SIGIRR: variants seen among roughly 807,000 people sequenced by gnomAD.
SIGIRR encodes single Ig and TIR domain containing.
A neutral mutation model predicts 45.6 loss-of-function variants in SIGIRR; 41 were observed. The observed-to-expected ratio is 0.90, with a 90% CI of 0.70 to 1.17. SIGIRR has a LOEUF of 1.17. Among genes scored for constraint, SIGIRR ranks in the 50% most tolerant of loss-of-function variants. SIGIRR has a pLI of 0.00. For missense variants in SIGIRR, 599 were observed against 539.6 expected, an observed-to-expected ratio of 1.11 and a Z score of -1.09; for synonymous variants, 298 against 239.0, an observed-to-expected ratio of 1.25 and a Z score of -2.28.
At position 407,929 on chromosome 11, in the gene SIGIRR, C is replaced by T; in HGVS notation, c.369G>A (p.Leu123=). 4 of 1,610,968 alleles carry T rather than the reference C, an allele frequency of 2.5e-6. No homozygotes were observed. The highest frequency in any genetic ancestry group is 3.4e-6 in the Non-Finnish European group (4 of 1,178,962). ...AGPTSHVAAV[L]ASLLVLLALL... is the part of the protein sequence containing the mutation. ...GGGCCAGCAGGACCAGGAGGGAGGC[C>T]AGCACCGCAGCCACGTGGCTTGTAG... Residue 123 remains leucine, a synonymous_variant, in exon 5 of 10, where the codon CTG becomes CTA. Coordinates refer to ENST00000431843, the MANE Select transcript of SIGIRR (RefSeq NM_001135054.2).
intron 6 of SIGIRR, 103 bp downstream of exon 6, chr11:407,322 G>A: frequency 2.1e-6 from 2 of 941,018 alleles, no homozygotes; most frequent in Non-Finnish European, 3.0e-6. Flanking sequence ...GGGGATGGGG[G>A]CGGAGCTCGA....
chr11:412,923 C>G (rs937603581), intron 1 of SIGIRR, among the ~76,000 whole-genome samples: 9 of 152,170 alleles, frequency 5.9e-5, no homozygotes, highest in African/African-American at 1.9e-4. Flanking sequence ...CCCGTAGCAG[C>G]AGCCACACAC....
rs1321727081 is a variant in SIGIRR at position 406,430 on chromosome 11, G to A, written c.988C>T (p.Pro330Ser). Residue 330 changes from proline to serine, a missense_variant, in exon 9 of 10, where the codon CCC becomes TCC. Pro to Ser is a moderately conservative substitution (Grantham distance 74, BLOSUM62 -1). Coordinates refer to ENST00000431843, the MANE Select transcript of SIGIRR (RefSeq NM_001135054.2). ...ACTCGGCCTCGAAGAATCAGCATGG[G>A]GTCCTTGTCGTCCTGCAGCTGCGTC... is the stretch of plus-strand genomic sequence containing the variant. ...PQTQLQDDKD[P>S]MLILRGRVPE... 1.2e-6 allele frequency: 2 copies of A among 1,612,628 alleles called. No individual in the cohort carries two copies. The highest frequency in any genetic ancestry group is 8.5e-7 in the Non-Finnish European group (1 of 1,179,916).
chr11:411,029 A>G (rs1443639045), intron 1 of SIGIRR, among the ~76,000 whole-genome samples: 3 of 2,124 alleles, frequency 1.4e-3, no homozygotes, highest in Non-Finnish European at 2.1e-3. Context: ...GCAGTCGGGG[A>G]GGGGGGTGCC....
intron 6 of SIGIRR, 64 bp from the exon 7 acceptor site, chr11:407,228 A>C: frequency 1.2e-5 from 5 of 419,384 alleles, no homozygotes; most frequent in Non-Finnish European, 1.8e-5. Flanking sequence ...CCGGAGGCTC[A>C]GGGGCGGTGC....
At chr11:409,093 C>T (rs1847479440) in intron 2 of SIGIRR, 200 bp from the exon 3 acceptor site, 1 of 612,528 alleles carries the variant, frequency 1.6e-6, no homozygotes, top group South Asian at 1.9e-5. Context: ...GTGTTCCGCC[C>T]ACCCTGTGCT....
Position 414,808 on chromosome 11 carries a change from G to A in SIGIRR, c.-154+15C>T, listed in dbSNP as rs148725048. On this transcript the variant is annotated intron_variant, in intron 1 of 9. Transcript: ENST00000431843. Reference sequence around the variant, plus strand: ...CTGACACAGGCTCACTCAGAGCAGCGGGGAAGGCAGTCACCTGGTTCCAGT... The same window carrying A: ...CTGACACAGGCTCACTCAGAGCAGCAGGGAAGGCAGTCACCTGGTTCCAGT... The A allele has an allele frequency of 2.4e-3, 2,334 of 985,498 alleles. 3 individuals carry two copies. The highest frequency in any genetic ancestry group is 2.7e-3 in the Non-Finnish European group (2,228 of 829,992). The allele number at this position is 985,498 out of a possible 1,614,324, so 61.0% of individuals were successfully genotyped here.
Position 406,930 on chromosome 11 carries a change from C to G in SIGIRR, c.792G>C (p.Gln264His). 1 of 1,600,008 alleles carries G rather than the reference C, an allele frequency of 6.2e-7. No homozygotes were observed. The highest frequency in any genetic ancestry group is 1.1e-5 in the South Asian group (1 of 90,122). ...RRPIFITFEGQRRDPAHPALR... is the reference protein window; with the variant it reads ...RRPIFITFEGHRRDPAHPALR... ...GCGCCGGGTGCGCGGGGTCGCGCCT[C>G]TGGCCCTCGAAGGTGATGAAGATGG... Residue 264 changes from glutamine to histidine, a missense_variant, in exon 8 of 10, where the codon CAG becomes CAC. Coordinates refer to ENST00000431843, the MANE Select transcript of SIGIRR (RefSeq NM_001135054.2).
intron 2 of SIGIRR, 65 bp from the exon 3 acceptor site, chr11:408,958 G>T: frequency 6.8e-7 from 1 of 1,475,996 alleles, no homozygotes. Flanking sequence ...CTCCACAGTG[G>T]TCCGTGGTGC....
Position 409,927 on chromosome 11 carries a change from G to A in SIGIRR, c.-53C>T, listed in dbSNP as rs1847510477. The A allele has an allele frequency of 7.1e-6, 9 of 1,271,456 alleles. No homozygotes were observed. Among genetic ancestry groups the A allele is most frequent in the Non-Finnish European group, 9.0e-6 (9 of 1,002,760 alleles). 78.8% of individuals were successfully genotyped at this position (1,271,456 alleles called of 1,614,324 possible). On this transcript the variant is annotated 5_prime_UTR_variant, in exon 2 of 10. Coordinates refer to ENST00000431843, the MANE Select transcript of SIGIRR (RefSeq NM_001135054.2). Reference sequence around the variant, plus strand: ...AGGCTGGGCTCCAGGGTCACCCCTGGCTCCACCGGGCTCCTCGGCCAGCAG... The same window carrying A: ...AGGCTGGGCTCCAGGGTCACCCCTGACTCCACCGGGCTCCTCGGCCAGCAG...
chr11:407,346 G>C, intron 6 of SIGIRR, 79 bp downstream of exon 6: 2 of 1,275,126 alleles, frequency 1.6e-6, no homozygotes, highest in South Asian at 3.0e-5. Context: ...TGGGGGTGGG[G>C]CCCCGGGTGG....
rs1426548322 is a variant in SIGIRR at position 406,404 on chromosome 11, G to T, written c.1014C>A (p.Val338=). The change falls in exon 9 of 10, where the codon GTC becomes GTA. Residue 338 remains valine, a synonymous_variant. Coordinates refer to ENST00000431843, the MANE Select transcript of SIGIRR (RefSeq NM_001135054.2). ...CTGAGTCCAGGGCCCGGCCCTCAGGGACTCGGCCTCGAAGAATCAGCATGG... is the reference window on the plus strand; with the variant it reads ...CTGAGTCCAGGGCCCGGCCCTCAGGTACTCGGCCTCGAAGAATCAGCATGG... ...KDPMLILRGR[V]PEGRALDSEV... is the part of the protein sequence containing the mutation. The T allele has an allele frequency of 6.2e-7, 1 of 1,612,608 alleles. No homozygotes were observed. The highest frequency in any genetic ancestry group is 1.3e-5 in the African/African-American group (1 of 74,952).
At chr11:406,174 G>C in intron 9 of SIGIRR, 115 bp from the exon 10 acceptor site, 1 of 1,537,768 alleles carries the variant, frequency 6.5e-7, no homozygotes, top group Non-Finnish European at 8.7e-7. Context: ...GGCCCAGGAA[G>C]TTCCCAGGCA....
chr11:407,033 G>C (rs771163862), intron 7 of SIGIRR, 29 bp downstream of exon 7: 10 of 1,580,210 alleles, frequency 6.3e-6, no homozygotes, highest in African/African-American at 1.4e-5. Context: ...TGCTACGCTG[G>C]GGCCCACCCA....
upstream of SIGIRR, among the ~76,000 whole-genome samples, chr11:415,207 CGTGTGTGTGT>C (rs71022908): frequency 0.014 from 2,035 of 144,550 alleles, 41 homozygotes; most frequent in African/African-American, 0.042. The surrounding 1 kb of genome is among the most constrained non-coding windows in gnomAD (Gnocchi z 6.6). Context: ...CTCTGTGCAG[CGTGTGTGTGT>C]GTGTGTGTGT....
intron 1 of SIGIRR, among the ~76,000 whole-genome samples, chr11:411,721 G>C (rs1364265744): frequency 1.1e-5 from 1 of 93,492 alleles, no homozygotes; most frequent in Non-Finnish European, 2.4e-5. Context: ...TCGGTGGGGG[G>C]GGGGGGTGCC....
intron 3 of SIGIRR, 38 bp downstream of exon 3, chr11:408,657 G>C (rs375085733): frequency 6.2e-7 from 1 of 1,608,508 alleles, no homozygotes; most frequent in South Asian, 1.1e-5. Context: ...TGGCATGTCT[G>C]AGAGGTCACT....
chr11:417,140 G>T (rs1468962024), upstream of SIGIRR, among the ~76,000 whole-genome samples: 1 of 152,090 alleles, frequency 6.6e-6, no homozygotes, highest in Non-Finnish European at 1.5e-5. The surrounding 1 kb of genome is among the most constrained non-coding windows in gnomAD (Gnocchi z 4.2). Context: ...CCCTGGAAAG[G>T]GCCAGGACGC....
intron 1 of SIGIRR, among the ~76,000 whole-genome samples, chr11:411,276 G>A (rs1201432902): frequency 8.3e-5 from 2 of 24,218 alleles, no homozygotes; most frequent in African/African-American, 3.5e-4. Context: ...CAGTCGGGGG[G>A]GGGGGGTGCC....
Sources: allele counts gnomAD v4.1 joint callset (sites outside exome capture counted in the v4.1 genomes callset), GRCh38; gene constraint gnomAD v4.1.1; non-coding constraint Gnocchi (gnomAD v3.1); transcripts MANE v1.5; gene names NCBI Gene and HGNC (gene_info 2026-07-23, HGNC 2026-07-21).